Variants in ALDH18A1 observed in about 807,000 individuals in gnomAD.
The protein encoded by ALDH18A1 is aldehyde dehydrogenase 18 family member A1.
Under a neutral mutation model 88.8 loss-of-function variants are expected in ALDH18A1, and 44 were observed. The observed-to-expected ratio is 0.50, with a 90% CI of 0.39 to 0.64. The LOEUF is 0.64. Ranked by LOEUF, ALDH18A1 falls within the 30% of genes least tolerant of loss-of-function variation. The probability of loss-of-function intolerance (pLI) is 0.00; values close to 1 mark genes in which losing one functional copy is unlikely to be tolerated. For missense variants in ALDH18A1, 782 were observed against 1,009.5 expected (o/e 0.77, Z 3.05); for synonymous variants, 331 against 372.1 (o/e 0.89, Z 1.27).
intron 1 of ALDH18A1, among the ~76,000 whole-genome samples, chr10:95,654,393 G>T (rs2097914804): frequency 6.6e-6 from 1 of 152,038 alleles, no homozygotes; most frequent in African/African-American, 2.4e-5. Flanking sequence ...TCGATCTCCT[G>T]ACCTTGTGAT....
In ALDH18A1 at chr10:95,653,409, C is replaced by G. The variant is rs2139670360; in HGVS notation, c.-28-4G>C. 4 of 1,610,180 alleles carry G rather than the reference C, an allele frequency of 2.5e-6. No individual in the cohort carries two copies. The highest frequency in any genetic ancestry group is 3.3e-4 in the Middle Eastern group (2 of 6,054). On this transcript the variant is annotated splice_region_variant and splice_polypyrimidine_tract_variant and intron_variant, in intron 1 of 17. Transcript: ENST00000371224. Reference sequence around the variant, plus strand: ...ATGTGGTCACTAACCAAAGTATCTGCAGAATACATTTTTTAAAAAGTGAGT... The same window carrying G: ...ATGTGGTCACTAACCAAAGTATCTGGAGAATACATTTTTTAAAAAGTGAGT...
At chr10:95,616,989 G>A (rs1260208161) in intron 12 of ALDH18A1, among the ~76,000 whole-genome samples, 1 of 152,186 alleles carries the variant, frequency 6.6e-6, no homozygotes, top group African/African-American at 2.4e-5. Flanking sequence ...GCTCACGCCT[G>A]TAATCTCAGC....
chr10:95,632,147 C>T (rs572258662), intron 7 of ALDH18A1, among the ~76,000 whole-genome samples: 5 of 152,156 alleles, frequency 3.3e-5, no homozygotes, highest in Middle Eastern at 3.4e-3. Flanking sequence ...GTATATGATG[C>T]CATTTAAATA....
At chr10:95,637,250 G>A in intron 4 of ALDH18A1, 37 bp downstream of exon 4, 3 of 1,614,226 alleles carry the variant, frequency 1.9e-6, no homozygotes, top group East Asian at 4.5e-5. Context: ...AAGAAGACCT[G>A]AAGATCCATT....
At position 95,616,397 on chromosome 10, in the gene ALDH18A1, T is replaced by TG; in HGVS notation, c.1605+79dup. ...CTTGTAGTAGTGTCTTGGCTCTGTG[T>TG]GGCCTAAGTTTTGCTTTAAATTCCC... is the stretch of plus-strand genomic sequence containing the variant. On this transcript the variant is annotated intron_variant, in intron 13 of 17. Coordinates refer to ENST00000371224, the MANE Select transcript of ALDH18A1 (RefSeq NM_002860.4). The TG allele has an allele frequency of 3.3e-6, 5 of 1,531,108 alleles. No individual in the cohort carries two copies. In the South Asian group the frequency reaches 6.0e-5, roughly 18 times the overall value. 94.8% of individuals were successfully genotyped at this position (1,531,108 alleles called of 1,614,324 possible). A position where few individuals can be genotyped will look rare whatever the true frequency, so the allele number is the denominator to read the frequency against.
At chr10:95,643,282 G>A (rs1164403210) in intron 2 of ALDH18A1, 76 bp from the exon 3 acceptor site, 3 of 1,438,726 alleles carry the variant, frequency 2.1e-6, no homozygotes, top group Non-Finnish European at 2.9e-6. Context: ...TACATGCTCA[G>A]TATTAACCAG....
At chr10:95,642,507 C>T (rs898169481) in intron 3 of ALDH18A1, among the ~76,000 whole-genome samples, 1 of 151,976 alleles carries the variant, frequency 6.6e-6, no homozygotes, top group Non-Finnish European at 1.5e-5. Flanking sequence ...TGCAGCTACT[C>T]GGGAGGCTGA....
At chr10:95,611,170 T>C in intron 16 of ALDH18A1, 86 bp downstream of exon 16, 2 of 1,526,986 alleles carry the variant, frequency 1.3e-6, no homozygotes, top group Non-Finnish European at 1.8e-6. Context: ...AATGATGTTT[T>C]TCTGCAGCCC....
At chr10:95,617,490 G>A (rs1375654830) in intron 12 of ALDH18A1, among the ~76,000 whole-genome samples, 4 of 152,248 alleles carry the variant, frequency 2.6e-5, no homozygotes, top group Non-Finnish European at 5.9e-5. Flanking sequence ...CTGGGCAGCT[G>A]TGGTAGAGAC....
intron 2 of ALDH18A1, among the ~76,000 whole-genome samples, chr10:95,650,052 A>G (rs1001922310): frequency 6.6e-6 from 1 of 152,040 alleles, no homozygotes; most frequent in Non-Finnish European, 1.5e-5. Flanking sequence ...CAACAGAGCA[A>G]GATCTTGTCT....
Position 95,632,880 on chromosome 10 carries a change from G to A in ALDH18A1, c.808+79C>T, listed in dbSNP as rs2097873005. On this transcript the variant is annotated intron_variant, in intron 7 of 17. Coordinates refer to ENST00000371224, the MANE Select transcript of ALDH18A1 (RefSeq NM_002860.4). ...CAAAAAAACATCAGAGGGACTCAAA[G>A]AAAGAGGGAAACTCATGTGCTCACA... is the stretch of plus-strand genomic sequence containing the variant. 9.4e-6 allele frequency: 12 copies of A among 1,271,950 alleles called. No homozygotes were observed. The Admixed American group carries it at 1.7e-4, about 18-fold the overall frequency. 78.8% of individuals were successfully genotyped at this position (1,271,950 alleles called of 1,614,324 possible). A position where few individuals can be genotyped will look rare whatever the true frequency, so the allele number is the denominator to read the frequency against.
chr10:95,628,493 C>T lies in ALDH18A1; in HGVS notation c.809-1G>A, dbSNP rs1202802893. Reference sequence around the variant, plus strand: ...GAACCTGGGGGGCTGTCAAAAAGGCCTAAAAAATAGACAAGAGTCAGTAAT... The same window carrying T: ...GAACCTGGGGGGCTGTCAAAAAGGCTTAAAAAATAGACAAGAGTCAGTAAT... On this transcript the variant is annotated splice_acceptor_variant, in intron 7 of 17. Coordinates refer to ENST00000371224, the MANE Select transcript of ALDH18A1 (RefSeq NM_002860.4). LOFTEE classifies it high-confidence loss of function. 3 of 1,612,710 alleles carry T rather than the reference C, an allele frequency of 1.9e-6. No individual in the cohort carries two copies. The highest frequency in any genetic ancestry group is 2.5e-6 in the Non-Finnish European group (3 of 1,179,918).
At chr10:95,628,645 G>A (rs2097863810) in intron 7 of ALDH18A1, 153 bp from the exon 8 acceptor site, 2 of 835,424 alleles carry the variant, frequency 2.4e-6, no homozygotes, top group Non-Finnish European at 3.8e-6. Context: ...GAGAACAAGG[G>A]ATTCGACACT....
intron 2 of ALDH18A1, among the ~76,000 whole-genome samples, chr10:95,646,055 T>C (rs2097900823): frequency 6.6e-6 from 1 of 152,186 alleles, no homozygotes; most frequent in Non-Finnish European, 1.5e-5. Context: ...CCCCTAGGGT[T>C]TGGACCAGGG....
chr10:95,606,428 G>A lies in ALDH18A1; in HGVS notation c.*334C>T, dbSNP rs760632984. 5.9e-6 allele frequency: 7 copies of A among 1,186,200 alleles called. No homozygotes were observed. Among genetic ancestry groups the A allele is most frequent in the Non-Finnish European group, 7.4e-6 (7 of 949,202 alleles). The allele number at this position is 1,186,200 out of a possible 1,614,324, so 73.5% of individuals were successfully genotyped here. ...TACCAACTAAATGCCAAGGGGGACT[G>A]TAAGTCACTGAGGTGACACAAAGCA... On this transcript the variant is annotated 3_prime_UTR_variant, in exon 18 of 18. Transcript: ENST00000371224.
chr10:95,612,078 C>T (rs927417653), intron 15 of ALDH18A1, among the ~76,000 whole-genome samples: 1 of 152,186 alleles, frequency 6.6e-6, no homozygotes, highest in Admixed American at 6.5e-5. Flanking sequence ...CAATAAAGAT[C>T]CCAGTTCCTG....
chr10:95,635,241 G>T (rs1034857405), intron 5 of ALDH18A1, among the ~76,000 whole-genome samples: 3 of 152,110 alleles, frequency 2.0e-5, no homozygotes, highest in Non-Finnish European at 2.9e-5. Context: ...GGTCCAAACT[G>T]AACATATAGA....
intron 11 of ALDH18A1, among the ~76,000 whole-genome samples, chr10:95,622,876 T>C (rs1273976033): frequency 6.6e-6 from 1 of 152,080 alleles, no homozygotes; most frequent in Non-Finnish European, 1.5e-5. Context: ...ATGATGTGAT[T>C]CCCTCTCTCC....
Position 95,637,105 on chromosome 10 carries a change from G to A in ALDH18A1, c.546C>T (p.Ile182=). 3 of 1,614,112 alleles carry A rather than the reference G, an allele frequency of 1.9e-6. No homozygotes were observed. The highest frequency in any genetic ancestry group is 2.5e-6 in the Non-Finnish European group (3 of 1,180,026). Residue 182 remains isoleucine, a synonymous_variant, in exon 5 of 18, where the codon ATC becomes ATT. Transcript: ENST00000371224. ...LYEAMFTQYS[I]CAAQILVTNL... ...CCCAGCCTCTCACCTGGGCAGCACAGATGCTGTACTGGGTAAACATAGCCT... is the reference window on the plus strand; with the variant it reads ...CCCAGCCTCTCACCTGGGCAGCACAAATGCTGTACTGGGTAAACATAGCCT...
Sources: gnomAD v4.1 joint callset for allele counts (sites outside exome capture counted in the v4.1 genomes callset) on GRCh38, gnomAD v4.1.1 for gene constraint, MANE v1.5 for transcripts, NCBI Gene and HGNC (gene_info 2026-07-23, HGNC 2026-07-21) for gene names.